The following DST variants were observed in gnomAD, a reference collection of about 807,000 sequenced individuals.
DST encodes the protein dystonin.
DST carries 253 observed loss-of-function variants against 875.2 expected under a neutral mutation model. The observed-to-expected ratio is 0.29, with a 90% CI of 0.26 to 0.32. DST has a LOEUF of 0.32. DST is among the 10% of genes least tolerant of loss of function. The pLI, the probability that DST is intolerant of heterozygous loss-of-function variation, is 1.00. For synonymous variants in DST, 3,124 were observed against 3,197.1 expected (o/e 0.98, Z 0.77); for missense variants, 8,287 against 9,111.6 (o/e 0.91, Z 3.68).
intron 3 of DST, among the ~76,000 whole-genome samples, chr6:56,876,802 A>G (rs1159351811): frequency 6.6e-6 from 1 of 151,978 alleles, no homozygotes; most frequent in Non-Finnish European, 1.5e-5. Flanking sequence ...TTCTACTCTT[A>G]CCCTCACCTG....
rs770872357 is a variant in DST at position 56,609,264 on chromosome 6, G to A, written c.5364C>T (p.Leu1788=). Residue 1788 remains leucine, a synonymous_variant, in exon 40 of 104, where the codon CTC becomes CTT. Transcript: ENST00000680361. ...LSVFQAVLRG[L]IDYDTGIRLL... ...ACCTAATTCCTGTGTCATAGTCAAT[G>A]AGGCCTCTTAAAACTGCTTGAAAGA... 2 of 1,613,622 alleles carry A rather than the reference G, an allele frequency of 1.2e-6. No individual in the cohort carries two copies. The highest frequency in any genetic ancestry group is 1.7e-6 in the Non-Finnish European group (2 of 1,179,680).
intron 2 of DST, among the ~76,000 whole-genome samples, chr6:56,947,640 T>G (rs755261255): frequency 1.3e-5 from 2 of 152,234 alleles, no homozygotes; most frequent in East Asian, 3.8e-4. Context: ...TGTCATGTAG[T>G]ATACACGAAT....
chr6:56,624,635 G>A lies in DST; in HGVS notation c.4831-7C>T, dbSNP rs755449538. ...GAGTCCTTAGGTCCATGAACTGCAA[G>A]TAAGGAAAAAAATAATAAAAGCATT... On this transcript the variant is annotated splice_polypyrimidine_tract_variant and splice_region_variant and intron_variant, in intron 35 of 103. Coordinates refer to ENST00000680361, the MANE Select transcript of DST (RefSeq NM_001374736.1). 3.8e-6 allele frequency: 6 copies of A among 1,577,130 alleles called. No individual in the cohort carries two copies. Among genetic ancestry groups the A allele is most frequent in the South Asian group, 1.1e-5 (1 of 90,318 alleles).
intron 3 of DST, among the ~76,000 whole-genome samples, chr6:56,865,831 C>T (rs930508796): frequency 2.0e-5 from 3 of 152,094 alleles, no homozygotes; most frequent in African/African-American, 7.2e-5. Flanking sequence ...CTGAAATGTT[C>T]CCATTAGAGC....
chr6:56,623,674 C>T (rs188908173), intron 36 of DST, among the ~76,000 whole-genome samples: 1 of 152,150 alleles, frequency 6.6e-6, no homozygotes, highest in Admixed American at 6.5e-5. Flanking sequence ...AACAACAGTC[C>T]AATTTAAAAT....
chr6:56,462,466 C>T (rs1438580023), intron 102 of DST, among the ~76,000 whole-genome samples: 6 of 152,120 alleles, frequency 3.9e-5, no homozygotes, highest in African/African-American at 9.7e-5. Context: ...TAACTTTCTG[C>T]ATACCTAAGC....
At chr6:56,781,065 G>A (rs533026377) in intron 4 of DST, among the ~76,000 whole-genome samples, 2 of 151,990 alleles carry the variant, frequency 1.3e-5, no homozygotes, top group Admixed American at 6.5e-5. Flanking sequence ...TGAGGGCTCT[G>A]TTCTGTCCAT....
At chr6:56,844,565 T>G (rs1456420410) in intron 4 of DST, among the ~76,000 whole-genome samples, 2 of 152,162 alleles carry the variant, frequency 1.3e-5, no homozygotes, top group African/African-American at 2.4e-5. Context: ...CCCAGGCATG[T>G]AAATGGATGT....
intron 4 of DST, among the ~76,000 whole-genome samples, chr6:56,782,264 T>C (rs1404694060): frequency 6.6e-6 from 1 of 152,232 alleles, no homozygotes; most frequent in African/African-American, 2.4e-5. Flanking sequence ...GATTCCCTCT[T>C]TTTCTATTGA....
chr6:56,623,963 A>T (rs1169685756), intron 36 of DST, among the ~76,000 whole-genome samples: 1 of 151,902 alleles, frequency 6.6e-6, no homozygotes, highest in Non-Finnish European at 1.5e-5. Flanking sequence ...GCCTTTTTAA[A>T]TGCCATGTGC....
chr6:56,585,737 T>C (rs1392592741), intron 49 of DST, among the ~76,000 whole-genome samples: 1 of 151,568 alleles, frequency 6.6e-6, no homozygotes, highest in Non-Finnish European at 1.5e-5. Context: ...CATTTAGTGC[T>C]ATAAATTTCC....
chr6:56,472,274 T>C lies in DST; in HGVS notation c.21995-52A>G, dbSNP rs539226479. 8.4e-6 allele frequency: 13 copies of C among 1,553,036 alleles called. No homozygotes were observed. The South Asian group carries it at 1.4e-4, about 17-fold the overall frequency. ...TGGCAGTTTCCAGGGTGCTGAAATG[T>C]GTTAAGGCTTGACCTTTTTTGCTTC... is the stretch of plus-strand genomic sequence containing the variant. On this transcript the variant is annotated intron_variant, in intron 93 of 103. Transcript: ENST00000680361.
intron 75 of DST, among the ~76,000 whole-genome samples, chr6:56,508,277 G>A (rs1415809208): frequency 5.9e-5 from 9 of 151,992 alleles, no homozygotes; most frequent in South Asian, 2.1e-4. Flanking sequence ...CAAGTGATCC[G>A]CCCACCTCGG....
chr6:56,736,097 C>T (rs2099522657), intron 4 of DST, among the ~76,000 whole-genome samples: 1 of 152,058 alleles, frequency 6.6e-6, no homozygotes, highest in Non-Finnish European at 1.5e-5. Flanking sequence ...ACCATGTTGG[C>T]CAGGCTGGTC....
At chr6:56,879,343 C>A (rs973427366) in intron 3 of DST, among the ~76,000 whole-genome samples, 3 of 152,022 alleles carry the variant, frequency 2.0e-5, no homozygotes, top group Non-Finnish European at 4.4e-5. Context: ...CGGTGGCAGG[C>A]GCCTGTAGTC....
At chr6:56,786,831 T>G (rs1471843133) in intron 4 of DST, among the ~76,000 whole-genome samples, 2 of 152,158 alleles carry the variant, frequency 1.3e-5, no homozygotes, top group Admixed American at 1.3e-4. Flanking sequence ...CCAATACCTT[T>G]TTAACCCAAG....
chr6:56,776,487 T>C (rs1271102434), intron 4 of DST, among the ~76,000 whole-genome samples: 1 of 152,198 alleles, frequency 6.6e-6, no homozygotes, highest in Non-Finnish European at 1.5e-5. Context: ...TTTAAGATGC[T>C]AACAACAGGG....
intron 4 of DST, among the ~76,000 whole-genome samples, chr6:56,823,891 C>A (rs2099776028): frequency 6.6e-6 from 1 of 152,164 alleles, no homozygotes; most frequent in African/African-American, 2.4e-5. Flanking sequence ...GAAATTCATT[C>A]AACCTTTTTA....
Position 56,612,531 on chromosome 6 carries a change from T to C in DST, c.5059-935A>G, listed in dbSNP as rs78271157. On this transcript the variant is annotated intron_variant, in intron 37 of 103. Transcript: ENST00000680361. ...TTTCTCCTAATTCCTCAGTGTATCA[T>C]TTCCAAATCCCTTATTTCAGAAATT... 2.1e-3 allele frequency among the ~76,000 whole-genome samples: 314 copies of C among 152,350 alleles called. 1 individual carries two copies. Among genetic ancestry groups the C allele is most frequent in the African/African-American group, 7.3e-3 (302 of 41,590 alleles).
Sources: gnomAD v4.1 joint callset for allele counts (sites outside exome capture counted in the v4.1 genomes callset) on GRCh38, gnomAD v4.1.1 for gene constraint, MANE v1.5 for transcripts, NCBI Gene and HGNC (gene_info 2026-07-23, HGNC 2026-07-21) for gene names.